Variants in DOCK9 observed in about 807,000 individuals in gnomAD.
The protein encoded by DOCK9 is dedicator of cytokinesis protein 9.
DOCK9 carries 89 observed loss-of-function variants against 263.3 expected under a neutral mutation model. That is an observed-to-expected ratio of 0.34 (90% CI 0.28 to 0.40). DOCK9 has a LOEUF of 0.40. Among genes scored for constraint, DOCK9 ranks in the 10% least tolerant of loss-of-function variants. The pLI, the probability that DOCK9 is intolerant of heterozygous loss-of-function variation, is 1.00. For missense variants in DOCK9, 2,140 were observed against 2,603.4 expected (o/e 0.82, Z 3.87); for synonymous variants, 976 against 973.1 (o/e 1.00, Z -0.06).
chr13:98,978,209 G>A (rs1472616260), upstream of DOCK9: 33 of 836,814 alleles, frequency 3.9e-5, no homozygotes, highest in East Asian at 6.4e-5. Context: ...GATAAAGACC[G>A]GCTTTATTGT....
intron 7 of DOCK9, among the ~76,000 whole-genome samples, chr13:98,917,940 A>G (rs1011015030): frequency 2.6e-5 from 4 of 152,154 alleles, no homozygotes; most frequent in African/African-American, 9.7e-5. Flanking sequence ...TCACCCCGGC[A>G]TTCCCTATTG....
chr13:99,004,759 G>C (rs897467760), intron 1 of DOCK9, among the ~76,000 whole-genome samples: 3 of 149,818 alleles, frequency 2.0e-5, no homozygotes, highest in Admixed American at 1.3e-4. Flanking sequence ...CAATATTCTA[G>C]TACTGCATTG....
At position 98,904,582 on chromosome 13, in the gene DOCK9, T is replaced by C. The variant is rs374129512; in HGVS notation, c.1035+50A>G. ...ATAAACAAATAAGCCCATCGATGAT[T>C]TTCTCTCCCACATTTGGTTTTAAAT... On this transcript the variant is annotated intron_variant, in intron 10 of 52. Transcript: ENST00000682017. 6.5e-5 allele frequency: 88 copies of C among 1,353,076 alleles called. No homozygotes were observed. In the African/African-American group the frequency reaches 1.2e-3, roughly 18 times the overall value. The allele number at this position is 1,353,076 out of a possible 1,614,324, so 83.8% of individuals were successfully genotyped here. A position where few individuals can be genotyped will look rare whatever the true frequency, so the allele number is the denominator to read the frequency against.
At chr13:99,086,270 C>G in exon 1 of DOCK9, 1 of 1,498,316 alleles carries the variant, frequency 6.7e-7, no homozygotes, top group Non-Finnish European at 8.8e-7. Flanking sequence ...TGCCGCAGCT[C>G]GGCCGCCGTG....
chr13:98,982,669 A>T (rs1595819140), upstream of DOCK9, among the ~76,000 whole-genome samples: 1 of 152,212 alleles, frequency 6.6e-6, no homozygotes, highest in East Asian at 1.9e-4. Context: ...TTGGCCCTAA[A>T]GTGAAATGGT....
chr13:98,919,562 T>C (rs1296284363), intron 7 of DOCK9, among the ~76,000 whole-genome samples: 1 of 152,252 alleles, frequency 6.6e-6, no homozygotes, highest in Non-Finnish European at 1.5e-5. Context: ...GCTGATGTGA[T>C]CAGCCATCAT....
At chr13:98,858,771 C>T (rs7317873) in intron 33 of DOCK9, 20,749 of 152,162 alleles carry the variant, frequency 0.14, 1,590 homozygotes, top group South Asian at 0.22. Context: ...AATGTCAGTG[C>T]GGAGCAATTG....
At chr13:98,969,826 G>C (rs2059559966) in intron 1 of DOCK9, among the ~76,000 whole-genome samples, 1 of 152,248 alleles carries the variant, frequency 6.6e-6, no homozygotes, top group African/African-American at 2.4e-5. Flanking sequence ...AGGAAGACTG[G>C]AAAGCTGGGG....
At chr13:98,846,674 CA>C in intron 37 of DOCK9, 3 of 665,922 alleles carry the variant, frequency 4.5e-6, no homozygotes, top group Non-Finnish European at 7.4e-6. Flanking sequence ...GCTGCAATGA[CA>C]CCTGTCCCCT....
chr13:98,907,728 C>T (rs889271191), intron 9 of DOCK9, among the ~76,000 whole-genome samples: 1 of 152,160 alleles, frequency 6.6e-6, no homozygotes. Context: ...CTCCTAAGGT[C>T]TAAGATGATG....
Position 98,897,500 on chromosome 13 carries a change from G to A in DOCK9, c.1697C>T (p.Ala566Val). The A allele has an allele frequency of 6.2e-7, 1 of 1,613,636 alleles. No individual in the cohort carries two copies. Among genetic ancestry groups the A allele is most frequent in the Non-Finnish European group, 8.5e-7 (1 of 1,179,748 alleles). The change falls in exon 15 of 53, where the codon GCA (alanine) becomes GTA (valine). Residue 566 changes from alanine to valine, a missense_variant. Physicochemically the swap from Ala to Val is moderately conservative, Grantham distance 64 (BLOSUM62 0). Transcript: ENST00000682017. ...LSNDDMLKLL[A>V]DFRKPEKMAK... ...CCTTGAAACTCACTTCCGAAAGTCT[G>A]CAAGTAACTTGAGCATGTCATCATT...
intron 2 of DOCK9, among the ~76,000 whole-genome samples, chr13:98,941,695 C>T (rs2055878213): frequency 6.6e-6 from 1 of 152,068 alleles, no homozygotes; most frequent in Non-Finnish European, 1.5e-5. Context: ...CATTTGGGGC[C>T]CACGTGGTAT....
chr13:98,810,081 G>A (rs1488969197), intron 46 of DOCK9, 88 bp downstream of exon 46: 3 of 1,566,670 alleles, frequency 1.9e-6, no homozygotes, highest in Non-Finnish European at 2.6e-6. Context: ...CCCATGGCCT[G>A]CTTCCTCTCT....
chr13:99,003,894 C>T (rs1882839841), intron 1 of DOCK9, among the ~76,000 whole-genome samples: 1 of 152,144 alleles, frequency 6.6e-6, no homozygotes, highest in African/African-American at 2.4e-5. Flanking sequence ...TAAATGGCTT[C>T]CCTCTAATAC....
At chr13:98,979,236 A>AGCAGCAGCAGCGGCG, upstream of DOCK9, among the ~76,000 whole-genome samples, 1 of 144,128 alleles carries the variant, frequency 6.9e-6, no homozygotes, top group African/African-American at 2.6e-5. Flanking sequence ...TAGTAGCAGC[A>AGCAGCAGCAGCGGCG]GCGGCGGCAG....
chr13:98,933,976 C>G (rs2054394232), intron 2 of DOCK9, among the ~76,000 whole-genome samples: 1 of 152,096 alleles, frequency 6.6e-6, no homozygotes, highest in Admixed American at 6.5e-5. Context: ...CAGCTCAGTG[C>G]AACCTTGCCG....
intron 1 of DOCK9, among the ~76,000 whole-genome samples, chr13:99,017,745 A>T (rs1162838111): frequency 6.8e-6 from 1 of 147,302 alleles, no homozygotes; most frequent in African/African-American, 2.4e-5. Context: ...GATGAGCTTT[A>T]AAAAAAATCA....
At chr13:98,897,730 A>G (rs2047647680) in intron 14 of DOCK9, 120 bp from the exon 15 acceptor site, 6 of 1,343,360 alleles carry the variant, frequency 4.5e-6, no homozygotes, top group South Asian at 4.3e-5. Flanking sequence ...GCCAACAGAA[A>G]TCTCATTATC....
rs888566647 is a variant in DOCK9 at position 98,831,376 on chromosome 13, T to C, written c.4607A>G (p.Lys1536Arg). The change falls in exon 41 of 53, where the codon AAG becomes AGG. Residue 1536 changes from lysine to arginine, a missense_variant. Lys to Arg is a conservative substitution (Grantham distance 26, BLOSUM62 2). Around this residue, in one of 2 missense-constraint regions of DOCK9, gnomAD observed 619 missense variants for 861.8 expected, o/e 0.72. Coordinates refer to ENST00000682017, the MANE Select transcript of DOCK9 (RefSeq NM_001366683.2). ...CAAATGTGTCCGGACAAAGGACTTC[T>C]TTCCAGTGTAATCAAAGTTGTTCCT... ...LMRNNFDYTG[K>R]KSFVRTHLQV... 6.2e-7 allele frequency: 1 copy of C among 1,605,320 alleles called. No homozygotes were observed. The highest frequency in any genetic ancestry group is 1.7e-5 in the Admixed American group (1 of 59,040).
Sources: allele counts gnomAD v4.1 joint callset (sites outside exome capture counted in the v4.1 genomes callset), GRCh38; gene constraint gnomAD v4.1.1; regional missense constraint gnomAD v4.1.1; transcripts MANE v1.5; gene names NCBI Gene and HGNC (gene_info 2026-07-23, HGNC 2026-07-21).